TMEM131: variants seen among roughly 807,000 people sequenced by gnomAD.
The protein encoded by TMEM131 is transmembrane protein 131.
In TMEM131, 66 loss-of-function variants were observed where a neutral mutation model predicts 211.6. The observed-to-expected ratio is 0.31, with a 90% CI of 0.26 to 0.38. The LOEUF (loss-of-function observed/expected upper bound fraction) is 0.38, where lower values mean the gene tolerates loss of function less well. TMEM131 is among the 10% of genes least tolerant of loss of function. The pLI, the probability that TMEM131 is intolerant of heterozygous loss-of-function variation, is 1.00. For synonymous variants in TMEM131, 844 were observed against 841.3 expected, an observed-to-expected ratio of 1.00 and a Z score of -0.06; for missense variants, 2,036 against 2,299.3, an observed-to-expected ratio of 0.89 and a Z score of 2.34.
At chr2:97,760,050 A>G (rs1678737958) in intron 38 of TMEM131, 2 of 343,874 alleles carry the variant, frequency 5.8e-6, no homozygotes, top group African/African-American at 4.2e-5. Flanking sequence ...ATTTATTTAA[A>G]AACTATTTCA....
chr2:97,812,696 C>T lies in TMEM131; in HGVS notation c.1671G>A (p.Leu557=). 1.2e-6 allele frequency: 2 copies of T among 1,600,100 alleles called. No homozygotes were observed. The highest frequency in any genetic ancestry group is 1.8e-5 in the Admixed American group (1 of 56,414). The change falls in exon 16 of 41, where the codon CTG becomes CTA. Residue 557 remains leucine, a synonymous_variant. Coordinates refer to ENST00000186436, the MANE Select transcript of TMEM131 (RefSeq NM_015348.2). The stretch of plus-strand genomic sequence containing the variant: ...AAATATTACTTGCTTCTGTAGCACT[C>T]AGTACTCCAAAATCTATGAAACGTT... ...IEERFIDFGV[L]SATEASNILF...
intron 8 of TMEM131, among the ~76,000 whole-genome samples, 162 bp from the exon 9 acceptor site, chr2:97,835,087 T>C (rs1682877293): frequency 6.6e-6 from 1 of 152,224 alleles, no homozygotes. Context: ...ACACACTCCA[T>C]TTCTGGAGAA....
chr2:97,761,360 C>T (rs1043660724), intron 36 of TMEM131: 9 of 165,330 alleles, frequency 5.4e-5, no homozygotes, highest in Non-Finnish European at 9.3e-5. Flanking sequence ...GTGGTTACTG[C>T]CTCTTGGGCA....
rs369660835 is a variant in TMEM131 at position 97,892,728 on chromosome 2, T to C, written c.291-4608A>G. ...GCTTTGTCCAGTTTGCAAATATTTCTATGAAAAGCTTGGTTTTATCCTAAA... is the reference window on the plus strand; with the variant it reads ...GCTTTGTCCAGTTTGCAAATATTTCCATGAAAAGCTTGGTTTTATCCTAAA... On this transcript the variant is annotated intron_variant, in intron 3 of 40. Transcript: ENST00000186436. 2.7e-3 allele frequency among the ~76,000 whole-genome samples: 414 copies of C among 152,308 alleles called. 3 individuals carry two copies. The highest frequency in any genetic ancestry group is 9.6e-3 in the African/African-American group (400 of 41,562).
At chr2:97,773,925 C>A (rs933015492) in intron 32 of TMEM131, among the ~76,000 whole-genome samples, 1 of 152,100 alleles carries the variant, frequency 6.6e-6, no homozygotes, top group Non-Finnish European at 1.5e-5. Flanking sequence ...ACTGTGTTTA[C>A]GGAAGCACTG....
chr2:97,810,599 T>A (rs1313230423), intron 18 of TMEM131, among the ~76,000 whole-genome samples: 2 of 152,206 alleles, frequency 1.3e-5, no homozygotes, highest in African/African-American at 4.8e-5. Flanking sequence ...CAGAAATACA[T>A]CCATTCAAAA....
intron 17 of TMEM131, among the ~76,000 whole-genome samples, chr2:97,811,505 A>AC (rs934579245): frequency 1.3e-5 from 2 of 152,188 alleles, no homozygotes; most frequent in African/African-American, 4.8e-5. Flanking sequence ...CTCACTCTTT[A>AC]CCCATGGACC....
chr2:97,871,079 A>T (rs577390249), intron 4 of TMEM131, among the ~76,000 whole-genome samples: 1 of 152,322 alleles, frequency 6.6e-6, no homozygotes, highest in Non-Finnish European at 1.5e-5. Context: ...TTTTTTTTAT[A>T]GCCATGAAGT....
At position 97,809,999 on chromosome 2, in the gene TMEM131, T is replaced by C. The variant is rs374165734; in HGVS notation, c.1969-225A>G. On this transcript the variant is annotated intron_variant, in intron 18 of 40. Coordinates refer to ENST00000186436, the MANE Select transcript of TMEM131 (RefSeq NM_015348.2). ...TTTCCACAGATTTCTCAGTGATTCA[T>C]TGAAAACACGTAAAAAAGACTAAAC... Among the ~76,000 whole-genome samples the C allele has an allele frequency of 1.2e-3, 183 of 152,228 alleles. 1 individual carries two copies. The highest frequency in any genetic ancestry group is 3.8e-3 in the African/African-American group (159 of 41,542).
At chr2:97,938,726 T>C (rs868601088) in intron 1 of TMEM131, among the ~76,000 whole-genome samples, 2 of 152,250 alleles carry the variant, frequency 1.3e-5, no homozygotes, top group African/African-American at 2.4e-5. Flanking sequence ...AGAATATATG[T>C]TCTTCTCAGC....
intron 17 of TMEM131, 149 bp downstream of exon 17, chr2:97,812,272 A>G: frequency 2.4e-6 from 2 of 824,064 alleles, no homozygotes; most frequent in African/African-American, 1.7e-5. Context: ...GTTGAATTAC[A>G]TTACCTATAA....
intron 1 of TMEM131, among the ~76,000 whole-genome samples, chr2:97,959,540 A>C (rs537213465): frequency 6.7e-5 from 10 of 149,594 alleles, no homozygotes; most frequent in Admixed American, 2.0e-4. Flanking sequence ...ATATGAGAAA[A>C]AAATATATAT....
chr2:97,933,848 C>T (rs766606726), intron 1 of TMEM131, among the ~76,000 whole-genome samples: 4 of 152,110 alleles, frequency 2.6e-5, no homozygotes, highest in Admixed American at 6.6e-5. Context: ...AAACCGAACA[C>T]CTCTTCATGA....
rs1680753209 is a variant in TMEM131 at position 97,796,199 on chromosome 2, C to A, written c.3200+19G>T. The A allele has an allele frequency of 7.0e-7, 1 of 1,432,058 alleles. No homozygotes were observed. Among genetic ancestry groups the A allele is most frequent in the Non-Finnish European group, 9.4e-7 (1 of 1,061,128 alleles). The allele number at this position is 1,432,058 out of a possible 1,614,324, so 88.7% of individuals were successfully genotyped here. Reference sequence around the variant, plus strand: ...GAGGAAAGTTAGTGATTCATTACACCTTAAAATAAAATACTTACAATATGA... The same window carrying A: ...GAGGAAAGTTAGTGATTCATTACACATTAAAATAAAATACTTACAATATGA... On this transcript the variant is annotated intron_variant, in intron 28 of 40. Transcript: ENST00000186436.
rs546002370 is a variant in TMEM131, at chr2:97,827,208, G to A, written c.1074+6157C>T. On this transcript the variant is annotated intron_variant, in intron 11 of 40. Transcript: ENST00000186436. ...TTCGTGAAGGCTCTTGGCGCGCCGC[G>A]GCCCGCAGGCACCTGGCACGCGCCT... The A allele has an allele frequency of 4.3e-5, 31 of 713,680 alleles. 1 individual carries two copies. Among genetic ancestry groups the A allele is most frequent in the African/African-American group, 2.6e-4 (15 of 56,878 alleles). 44.2% of individuals were successfully genotyped at this position (713,680 alleles called of 1,614,324 possible). A position where few individuals can be genotyped will look rare whatever the true frequency, so the allele number is the denominator to read the frequency against.
At chr2:97,975,488 T>G (rs905477056) in intron 1 of TMEM131, among the ~76,000 whole-genome samples, 2 of 152,260 alleles carry the variant, frequency 1.3e-5, no homozygotes, top group East Asian at 1.9e-4. Flanking sequence ...AAGGGAACAT[T>G]ATGAACAACT....
intron 3 of TMEM131, among the ~76,000 whole-genome samples, chr2:97,899,476 A>G (rs896841315): frequency 1.3e-5 from 2 of 152,184 alleles, no homozygotes; most frequent in Non-Finnish European, 2.9e-5. Flanking sequence ...ATGGCTCTTA[A>G]ATACCAGGAG....
chr2:97,819,307 T>C (rs184205198), intron 11 of TMEM131, among the ~76,000 whole-genome samples: 49 of 152,360 alleles, frequency 3.2e-4, no homozygotes, highest in Admixed American at 2.5e-3. Context: ...ACAGGGATGT[T>C]CAGCTTGAAG....
At chr2:97,859,791 G>A (rs1054772088) in intron 4 of TMEM131, among the ~76,000 whole-genome samples, 12 of 152,260 alleles carry the variant, frequency 7.9e-5, no homozygotes, top group African/African-American at 2.9e-4. Flanking sequence ...CCACAGATAC[G>A]TGCTCTTCAT....
Sources: allele counts gnomAD v4.1 joint callset (sites outside exome capture counted in the v4.1 genomes callset), GRCh38; gene constraint gnomAD v4.1.1; transcripts MANE v1.5; gene names NCBI Gene and HGNC (gene_info 2026-07-23, HGNC 2026-07-21).